The following PGCKA1 variants were observed in gnomAD, a reference collection of about 807,000 sequenced individuals.
PGCKA1 encodes PDCD10 and GCKIII kinases-associated protein 1.
chr4:37,479,700 T>A, the PGCKA1 span, among the ~76,000 whole-genome samples: 1 of 152,168 alleles, frequency 6.6e-6, no homozygotes, highest in East Asian at 1.9e-4. Flanking sequence ...GACCTATGAA[T>A]TTGGAGCCCA....
chr4:37,485,531 A>T, the PGCKA1 span, among the ~76,000 whole-genome samples: 6 of 152,144 alleles, frequency 3.9e-5, no homozygotes, highest in African/African-American at 1.4e-4. Context: ...TTGACTTCCC[A>T]GCCTCCAGAA....
At chr4:37,470,832 T>C in the PGCKA1 span, among the ~76,000 whole-genome samples, 2 of 152,318 alleles carry the variant, frequency 1.3e-5, no homozygotes, top group South Asian at 2.1e-4. Context: ...GAAGTTTTTT[T>C]TGAGATGTAG....
At chr4:37,521,441 C>A in the PGCKA1 span, among the ~76,000 whole-genome samples, 5 of 152,226 alleles carry the variant, frequency 3.3e-5, no homozygotes, top group African/African-American at 1.2e-4. Context: ...ACTTCATTGA[C>A]CCACTAGTCA....
At chr4:37,464,892 T>A in the PGCKA1 span, among the ~76,000 whole-genome samples, 2 of 152,144 alleles carry the variant, frequency 1.3e-5, no homozygotes, top group Non-Finnish European at 1.5e-5. Flanking sequence ...AGGACTGAAT[T>A]TGAGGAAAGG....
At chr4:37,516,357 T>C in the PGCKA1 span, among the ~76,000 whole-genome samples, 1 of 152,234 alleles carries the variant, frequency 6.6e-6, no homozygotes, top group South Asian at 2.1e-4. Context: ...CCGAAATCGA[T>C]GTTTTCCGAA....
chr4:37,466,009 A>G, the PGCKA1 span, among the ~76,000 whole-genome samples: 1 of 133,172 alleles, frequency 7.5e-6, no homozygotes, highest in Non-Finnish European at 1.6e-5. Flanking sequence ...GAACATTGGG[A>G]AGGGTAAAAG....
chr4:37,485,085 G>A, the PGCKA1 span, among the ~76,000 whole-genome samples: 1 of 152,184 alleles, frequency 6.6e-6, no homozygotes, highest in African/African-American at 2.4e-5. Context: ...TTGGAACTTT[G>A]ACTTCAGGTT....
At chr4:37,480,453 G>A in the PGCKA1 span, among the ~76,000 whole-genome samples, 9 of 152,160 alleles carry the variant, frequency 5.9e-5, no homozygotes, top group Admixed American at 1.3e-4. Flanking sequence ...AGATCGCTCC[G>A]CTGCACTCCA....
the PGCKA1 span, among the ~76,000 whole-genome samples, chr4:37,587,926 G>A: frequency 2.6e-5 from 4 of 152,028 alleles, no homozygotes; most frequent in South Asian, 2.1e-4. Flanking sequence ...CCGAGATTGC[G>A]CCACTGCACT....
At chr4:37,534,835 T>C in the PGCKA1 span, among the ~76,000 whole-genome samples, 3 of 152,334 alleles carry the variant, frequency 2.0e-5, no homozygotes, top group East Asian at 5.8e-4. Context: ...CACACTTGGG[T>C]TTATGTTTCA....
chr4:37,500,752 C>T, the PGCKA1 span, among the ~76,000 whole-genome samples: 2 of 152,192 alleles, frequency 1.3e-5, no homozygotes, highest in Non-Finnish European at 2.9e-5. Context: ...GTGTGGGAAT[C>T]TAAGTCTATT....
chr4:37,564,751 C>A, the PGCKA1 span, among the ~76,000 whole-genome samples: 1 of 152,138 alleles, frequency 6.6e-6, no homozygotes, highest in Non-Finnish European at 1.5e-5. Flanking sequence ...AGGTGATCCA[C>A]CTGCCTCGGC....
the PGCKA1 span, among the ~76,000 whole-genome samples, chr4:37,504,964 A>G: frequency 6.6e-6 from 1 of 152,150 alleles, no homozygotes; most frequent in African/African-American, 2.4e-5. Flanking sequence ...ATGCTGAACA[A>G]TAGTGGTGAA....
At chr4:37,547,663 C>A in the PGCKA1 span, among the ~76,000 whole-genome samples, 2 of 152,068 alleles carry the variant, frequency 1.3e-5, no homozygotes, top group Non-Finnish European at 2.9e-5. Context: ...GACCAGTTTC[C>A]ACACATAGAC....
the PGCKA1 span, among the ~76,000 whole-genome samples, chr4:37,509,514 G>C: frequency 1.3e-5 from 2 of 150,718 alleles, no homozygotes; most frequent in African/African-American, 4.9e-5. Context: ...TCACTTCCCA[G>C]ATGATGGGTG....
the PGCKA1 span, among the ~76,000 whole-genome samples, chr4:37,571,137 T>C: frequency 6.6e-6 from 1 of 152,070 alleles, no homozygotes; most frequent in Non-Finnish European, 1.5e-5. Flanking sequence ...TCATGTGTAG[T>C]AGGGAAGGCA....
At chr4:37,454,216 C>T in the PGCKA1 span, among the ~76,000 whole-genome samples, 1 of 151,896 alleles carries the variant, frequency 6.6e-6, no homozygotes, top group African/African-American at 2.4e-5. Context: ...TTGATGACTT[C>T]GGGAAAAGTC....
the PGCKA1 span, among the ~76,000 whole-genome samples, chr4:37,562,227 T>C: frequency 0.45 from 68,698 of 151,740 alleles, 16,344 homozygotes; most frequent in South Asian, 0.54. Flanking sequence ...CAAATTAACG[T>C]TAGTAAGTCA....
the PGCKA1 span, among the ~76,000 whole-genome samples, chr4:37,538,815 A>G: frequency 5.8e-3 from 876 of 152,326 alleles, 13 homozygotes; most frequent in African/African-American, 0.02. Flanking sequence ...TGGAAAGATA[A>G]AATCAAATTC....
Sources: gnomAD v4.1 joint callset for allele counts (sites outside exome capture counted in the v4.1 genomes callset) on GRCh38, gnomAD v4.1.1 for gene constraint, MANE v1.5 for transcripts, NCBI Gene and HGNC (gene_info 2026-07-23, HGNC 2026-07-21) for gene names.